CYP4F22: variants seen among roughly 807,000 people sequenced by gnomAD.
CYP4F22 encodes cytochrome P450 family 4 subfamily F member 22, also known as ultra-long-chain fatty acid omega-hydroxylase.
In CYP4F22, 37 loss-of-function variants were observed where a neutral mutation model predicts 60.4. That is an observed-to-expected ratio of 0.61 (90% CI 0.47 to 0.81). The LOEUF (loss-of-function observed/expected upper bound fraction) is 0.81. CYP4F22 is among the 30% of genes least tolerant of loss of function. The probability of loss-of-function intolerance (pLI) is 0.00; values close to 1 mark genes in which losing one functional copy is unlikely to be tolerated. For missense variants in CYP4F22, 655 were observed against 715.0 expected (o/e 0.92, Z 0.96); for synonymous variants, 258 against 280.5 (o/e 0.92, Z 0.80).
At chr19:15,545,894 G>A (rs903492092) in intron 10 of CYP4F22, among the ~76,000 whole-genome samples, 3 of 152,116 alleles carry the variant, frequency 2.0e-5, no homozygotes, top group African/African-American at 7.2e-5. Flanking sequence ...GGGAGTTGGT[G>A]TGTAGACACA....
rs1324554574 is a variant in CYP4F22, at chr19:15,537,910, C to T, written c.588C>T (p.Ser196=). 1 of 1,614,168 alleles carries T rather than the reference C, an allele frequency of 6.2e-7. No homozygotes were observed. The highest frequency in any genetic ancestry group is 1.7e-5 in the Admixed American group (1 of 60,018). Residue 196 remains serine, a synonymous_variant, in exon 7 of 14, where the codon TCC becomes TCT. Coordinates refer to ENST00000269703, the MANE Select transcript of CYP4F22 (RefSeq NM_173483.4). ...WRHLAEGSAV[S]LDMFEHISLM... Reference sequence around the variant, plus strand: ...ATCTGGCAGAGGGCTCAGCGGTCTCCCTTGATATGTTTGAGCATATCAGCC... The same window carrying T: ...ATCTGGCAGAGGGCTCAGCGGTCTCTCTTGATATGTTTGAGCATATCAGCC...
chr19:15,537,719 T>C, intron 6 of CYP4F22, 57 bp downstream of exon 6: 4 of 1,607,378 alleles, frequency 2.5e-6, no homozygotes, highest in Non-Finnish European at 3.4e-6. Flanking sequence ...TGGTCCAGGC[T>C]CCAACTCATG....
At chr19:15,540,421 A>G (rs774905074) in intron 7 of CYP4F22, 29 bp from the exon 8 acceptor site, 2 of 1,613,820 alleles carry the variant, frequency 1.2e-6, no homozygotes, top group East Asian at 4.5e-5. Flanking sequence ...GGAAGGGGCT[A>G]CACTCATGGA....
At position 15,509,904 on chromosome 19, in the gene CYP4F22, C is replaced by CTTTCCTTCCTTCTTT. The variant is rs1555725971; in HGVS notation, c.-109+1321_-109+1322insTTTCCTTCCTTCTTT. Among the ~76,000 whole-genome samples, 259 of 86,748 alleles carry CTTTCCTTCCTTCTTT rather than the reference C, an allele frequency of 3.0e-3. 6 individuals are homozygous for CTTTCCTTCCTTCTTT. Among genetic ancestry groups the CTTTCCTTCCTTCTTT allele is most frequent in the Admixed American group, 0.017 (141 of 8,312 alleles). 56.9% of individuals were successfully genotyped at this position (86,748 alleles called of 152,430 possible). ...TCCTTCCTTCCTTCCTTCCTTCCTT[C>CTTTCCTTCCTTCTTT]CTTTCTTTCTTTCCTTCCTTCTTTC... is the stretch of plus-strand genomic sequence containing the variant. On this transcript the variant is annotated intron_variant, in intron 1 of 13. Transcript: ENST00000269703.
Position 15,525,431 on chromosome 19 carries a change from T to C in CYP4F22, c.95T>C (p.Leu32Pro). The C allele has an allele frequency of 1.2e-6, 2 of 1,614,046 alleles. No homozygotes were observed. Among genetic ancestry groups the C allele is most frequent in the East Asian group, 2.2e-5 (1 of 44,892 alleles). The change falls in exon 3 of 14, where the codon CTC (leucine) becomes CCC (proline). Residue 32 changes from leucine to proline, a missense_variant. Around this residue, in one of 3 missense-constraint regions of CYP4F22, gnomAD observed 430 missense variants for 457.1 expected, o/e 0.94. Coordinates refer to ENST00000269703, the MANE Select transcript of CYP4F22 (RefSeq NM_173483.4). Reference sequence around the variant, plus strand: ...GTGTCCACCCTTCTCCTCTTCCTGCTCTTCTTCCTGTTCCGCCTGCTGCTG... The same window carrying C: ...GTGTCCACCCTTCTCCTCTTCCTGCCCTTCTTCCTGTTCCGCCTGCTGCTG... ...YAVSTLLLFLLFFLFRLLLRF... is the reference protein window; with the variant it reads ...YAVSTLLLFLPFFLFRLLLRF...
chr19:15,548,382 G>A lies in CYP4F22; in HGVS notation c.1270+141G>A, dbSNP rs73512676. The A allele has an allele frequency of 4.2e-4, 573 of 1,360,518 alleles. 1 individual carries two copies. In the African/African-American group the frequency reaches 6.6e-3, roughly 16 times the overall value. 84.3% of individuals were successfully genotyped at this position (1,360,518 alleles called of 1,614,324 possible). On this transcript the variant is annotated intron_variant, in intron 11 of 13. Transcript: ENST00000269703. The stretch of plus-strand genomic sequence containing the variant: ...AGCTCTCTGTGTGCCTGTTGCTTCT[G>A]GGGTGTTGGAGAAAACCCAGTTGTG...
In CYP4F22 at chr19:15,525,414, C is replaced by A; in HGVS notation, c.78C>A (p.Thr26=). The change falls in exon 3 of 14, where the codon ACC becomes ACA. Residue 26 remains threonine, a synonymous_variant. Coordinates refer to ENST00000269703, the MANE Select transcript of CYP4F22 (RefSeq NM_173483.4). ...KTAFRIYAVS[T]LLLFLLFFLF... ...CGTTCCGCATATACGCGGTGTCCAC[C>A]CTTCTCCTCTTCCTGCTCTTCTTCC... 1.2e-6 allele frequency: 2 copies of A among 1,614,142 alleles called. No homozygotes were observed. The highest frequency in any genetic ancestry group is 1.7e-6 in the Non-Finnish European group (2 of 1,180,024).
chr19:15,518,688 G>GA (rs112651893), intron 1 of CYP4F22, among the ~76,000 whole-genome samples: 1,049 of 83,550 alleles, frequency 0.013, 6 homozygotes, highest in African/African-American at 0.029. Flanking sequence ...ACAAAACACA[G>GA]AAAAAAAAAA....
At chr19:15,533,850 G>A (rs1971369226) in intron 4 of CYP4F22, among the ~76,000 whole-genome samples, 1 of 151,840 alleles carries the variant, frequency 6.6e-6, no homozygotes, top group African/African-American at 2.4e-5. Context: ...TCACTGTATG[G>A]ATTTTTTTTT....
Position 15,550,672 on chromosome 19 carries a change from A to G in CYP4F22, c.1336-2A>G. On this transcript the variant is annotated splice_acceptor_variant, in intron 12 of 13. Transcript: ENST00000269703. LOFTEE classifies it high-confidence loss of function. ...ACTCATCTCCAGGCTGTTCCTCCCT[A>G]GGTGTACAACCCCTACCGCTTTGAC... 6.2e-7 allele frequency: 1 copy of G among 1,614,094 alleles called. No individual in the cohort carries two copies. The highest frequency in any genetic ancestry group is 1.3e-5 in the African/African-American group (1 of 75,032).
intron 1 of CYP4F22, among the ~76,000 whole-genome samples, chr19:15,520,523 C>A (rs966907012): frequency 7.3e-5 from 11 of 151,580 alleles, no homozygotes; most frequent in African/African-American, 2.7e-4. Flanking sequence ...GGCAATACTT[C>A]ACTCACAGGG....
At chr19:15,539,352 G>A (rs760675150) in intron 7 of CYP4F22, among the ~76,000 whole-genome samples, 8 of 152,268 alleles carry the variant, frequency 5.3e-5, no homozygotes, top group Middle Eastern at 3.4e-3. Context: ...CATCCATATT[G>A]TGGCATGTAT....
chr19:15,538,625 TA>T (rs1971426234), intron 7 of CYP4F22, among the ~76,000 whole-genome samples: 2 of 152,110 alleles, frequency 1.3e-5, no homozygotes. Context: ...AGTGGGGACA[TA>T]AGGAATAAGG....
chr19:15,543,939 G>A (rs1353046362), intron 8 of CYP4F22, 32 bp from the exon 9 acceptor site: 1 of 1,613,042 alleles, frequency 6.2e-7, no homozygotes, highest in African/African-American at 1.3e-5. Context: ...GTGGGATGAA[G>A]TGGGCTGAGC....
At position 15,544,257 on chromosome 19, in the gene CYP4F22, C is replaced by T. The variant is rs201129618; in HGVS notation, c.1114C>T (p.Arg372Trp). 42 of 1,613,730 alleles carry T rather than the reference C, an allele frequency of 2.6e-5. No individual in the cohort carries two copies. Among genetic ancestry groups the T allele is most frequent in the South Asian group, 4.4e-5 (4 of 91,062 alleles). ...AGAGATTCAGGAAGTCATGAAAGGC[C>T]GGGAGCTGGAGGAGCTGGAGTGGTG... ...REEIQEVMKG[R>W]ELEELEWDDL... The change falls in exon 10 of 14, where the codon CGG (arginine) becomes TGG (tryptophan). Residue 372 changes from arginine (R) to tryptophan (W), a missense_variant. Arg to Trp is a moderately radical substitution (Grantham distance 101). This residue lies in a region of CYP4F22 where 74 missense variants were observed against 118.4 expected (regional missense o/e 0.62). Coordinates refer to ENST00000269703, the MANE Select transcript of CYP4F22 (RefSeq NM_173483.4).
chr19:15,528,601 T>C (rs967506433), intron 3 of CYP4F22, among the ~76,000 whole-genome samples: 1 of 152,186 alleles, frequency 6.6e-6, no homozygotes, highest in Non-Finnish European at 1.5e-5. Flanking sequence ...CCCATGTTTT[T>C]GGGGATCATG....
chr19:15,533,470 C>T (rs1221187605), intron 4 of CYP4F22, among the ~76,000 whole-genome samples: 1 of 152,052 alleles, frequency 6.6e-6, no homozygotes, highest in Non-Finnish European at 1.5e-5. Context: ...ATGTATTTGC[C>T]TATTCTGGGT....
Position 15,525,331 on chromosome 19 carries a change from C to T in CYP4F22, c.-1-5C>T, listed in dbSNP as rs765396227. 6.2e-7 allele frequency: 1 copy of T among 1,612,832 alleles called. No individual in the cohort carries two copies. The highest frequency in any genetic ancestry group is 8.5e-7 in the Non-Finnish European group (1 of 1,179,956). ...CACCGACCCCCTGACCCTGTGTGTC[C>T]CCAGGATGCTGCCCATCACAGACCG... On this transcript the variant is annotated splice_polypyrimidine_tract_variant and splice_region_variant and intron_variant, in intron 2 of 13. Coordinates refer to ENST00000269703, the MANE Select transcript of CYP4F22 (RefSeq NM_173483.4).
chr19:15,515,423 T>C lies in CYP4F22; in HGVS notation c.-109+6840T>C, dbSNP rs563211879. On this transcript the variant is annotated intron_variant, in intron 1 of 13. Coordinates refer to ENST00000269703, the MANE Select transcript of CYP4F22 (RefSeq NM_173483.4). ...TGTTGGTCCAACTCAGACAGCAACTTTAAGGTGTTCAGTGCAGCTGGCCAG... is the reference window on the plus strand; with the variant it reads ...TGTTGGTCCAACTCAGACAGCAACTCTAAGGTGTTCAGTGCAGCTGGCCAG... The C allele has an allele frequency of 4.7e-5, 56 of 1,185,046 alleles. No homozygotes were observed. The African/African-American group carries it at 7.0e-4, about 15-fold the overall frequency. The allele number at this position is 1,185,046 out of a possible 1,614,324, so 73.4% of individuals were successfully genotyped here.
Sources: allele counts gnomAD v4.1 joint callset (sites outside exome capture counted in the v4.1 genomes callset), GRCh38; gene constraint gnomAD v4.1.1; regional missense constraint gnomAD v4.1.1; transcripts MANE v1.5; gene names NCBI Gene and HGNC (gene_info 2026-07-23, HGNC 2026-07-21).